ANKRD11: variants seen among roughly 807,000 people sequenced by gnomAD.
ANKRD11 encodes the protein ankyrin repeat domain 11, also known as ankyrin repeat domain-containing protein 11.
In ANKRD11, 17 loss-of-function variants were observed where a neutral mutation model predicts 195.7. That is an observed-to-expected ratio of 0.09 (90% CI 0.06 to 0.13). ANKRD11 has a LOEUF of 0.13. Ranked by LOEUF, ANKRD11 falls within the 10% of genes least tolerant of loss-of-function variation. The probability of loss-of-function intolerance (pLI) is 1.00; values close to 1 mark genes in which losing one functional copy is unlikely to be tolerated. For missense variants in ANKRD11, 3,735 were observed against 3,566.1 expected (o/e 1.05, Z -1.21); for synonymous variants, 1,953 against 1,528.1 (o/e 1.28, Z -6.49).
In ANKRD11 at chr16:89,282,438, T is replaced by TTTCTTGGCTCGCTCTCGGTCGTGGCTC; in HGVS notation, c.4077_4103dup (p.Ser1360_Lys1368dup). 1 of 1,614,134 alleles carries TTTCTTGGCTCGCTCTCGGTCGTGGCTC rather than the reference T, an allele frequency of 6.2e-7. No individual in the cohort carries two copies. The highest frequency in any genetic ancestry group is 8.5e-7 in the Non-Finnish European group (1 of 1,180,034). On this transcript the variant is annotated inframe_insertion, in exon 9 of 13. Transcript: ENST00000301030. The stretch of plus-strand genomic sequence containing the variant: ...CCTTCTCTTTCTTCTCGGCCTTCTC[T>TTTCTTGGCTCGCTCTCGGTCGTGGCTC]TTCTTGGCTCGCTCTCGGTCGTGGC...
At chr16:89,407,440 G>A (rs2152193425) in intron 2 of ANKRD11, among the ~76,000 whole-genome samples, 1 of 152,218 alleles carries the variant, frequency 6.6e-6, no homozygotes, top group South Asian at 2.1e-4. Context: ...AGCATTTCCT[G>A]CCAGCAGGGC....
At chr16:89,433,143 C>A (rs2043069507) in intron 1 of ANKRD11, among the ~76,000 whole-genome samples, 1 of 152,138 alleles carries the variant, frequency 6.6e-6, no homozygotes, top group Non-Finnish European at 1.5e-5. Flanking sequence ...TGGATATTCA[C>A]CATAAGATGT....
At chr16:89,473,848 C>A (rs1350637411) in intron 1 of ANKRD11, among the ~76,000 whole-genome samples, 1 of 152,180 alleles carries the variant, frequency 6.6e-6, no homozygotes, top group African/African-American at 2.4e-5. Flanking sequence ...TTCTAACCCA[C>A]AGAATGTGGT....
chr16:89,388,516 G>A (rs2965823), intron 2 of ANKRD11, among the ~76,000 whole-genome samples: 83,338 of 151,598 alleles, frequency 0.55, 23,035 homozygotes, highest in Middle Eastern at 0.73. Flanking sequence ...GCTGTCGAAC[G>A]CACACACGTC....
Position 89,323,399 on chromosome 16 carries a change from CAGCCCAGGGCAGGGGGGCTG to C in ANKRD11, c.-59-6341_-59-6322del, listed in dbSNP as rs1567645171. 6 of 1,180,444 alleles carry C rather than the reference CAGCCCAGGGCAGGGGGGCTG, an allele frequency of 5.1e-6. No individual in the cohort carries two copies. In the African/African-American group the frequency reaches 5.8e-5, roughly 11 times the overall value. The allele number at this position is 1,180,444 out of a possible 1,614,324, so 73.1% of individuals were successfully genotyped here. On this transcript the variant is annotated intron_variant, in intron 2 of 12. Coordinates refer to ENST00000301030, the MANE Select transcript of ANKRD11 (RefSeq NM_013275.6). Reference sequence around the variant, plus strand: ...TCTCAGTGGGCAAGGGGAGAGCAAGCAGCCCAGGGCAGGGGGGCTGAGCCGAGGGCAGGGGGGCTGAGCCG... The same window carrying C: ...TCTCAGTGGGCAAGGGGAGAGCAAGCAGCCGAGGGCAGGGGGGCTGAGCCG...
At chr16:89,407,684 CATAG>C (rs2041962665) in intron 2 of ANKRD11, among the ~76,000 whole-genome samples, 1 of 150,982 alleles carries the variant, frequency 6.6e-6, no homozygotes, top group South Asian at 2.1e-4. Flanking sequence ...CACACACACA[CATAG>C]ACACACACAG....
At chr16:89,304,727 G>GCACACAC (rs779655796) in intron 4 of ANKRD11, among the ~76,000 whole-genome samples, 133 of 152,194 alleles carry the variant, frequency 8.7e-4, no homozygotes, top group Non-Finnish European at 1.7e-3. Context: ...CAGGCACACA[G>GCACACAC]CACACACATT....
At chr16:89,387,133 G>A (rs1174351567) in intron 2 of ANKRD11, among the ~76,000 whole-genome samples, 2 of 152,038 alleles carry the variant, frequency 1.3e-5, no homozygotes, top group East Asian at 3.9e-4. Context: ...GGGTGGGAGA[G>A]GTAGGTCACA....
intron 4 of ANKRD11, chr16:89,301,590 C>T (rs888155583): frequency 3.8e-5 from 15 of 398,652 alleles, no homozygotes; most frequent in African/African-American, 2.3e-4. Flanking sequence ...GCTGCACCCA[C>T]AGCCCTTACA....
chr16:89,419,698 G>A (rs1019821059), intron 1 of ANKRD11, among the ~76,000 whole-genome samples: 5 of 152,164 alleles, frequency 3.3e-5, no homozygotes, highest in Non-Finnish European at 5.9e-5. Flanking sequence ...AGGGTTCCCC[G>A]GCTCTGCACT....
At chr16:89,464,033 G>A (rs1343459186) in intron 1 of ANKRD11, among the ~76,000 whole-genome samples, 1 of 152,194 alleles carries the variant, frequency 6.6e-6, no homozygotes, top group Non-Finnish European at 1.5e-5. Flanking sequence ...GAGGTCAGGA[G>A]TTAAAGACCA....
At chr16:89,378,068 T>C (rs567855778) in intron 2 of ANKRD11, among the ~76,000 whole-genome samples, 1 of 152,202 alleles carries the variant, frequency 6.6e-6, no homozygotes, top group Non-Finnish European at 1.5e-5. Flanking sequence ...ATATAAAATA[T>C]GAGGGGCATG....
chr16:89,300,815 C>G, intron 4 of ANKRD11: 1 of 698,780 alleles, frequency 1.4e-6, no homozygotes, highest in Non-Finnish European at 2.6e-6. Flanking sequence ...GGGTGTCATT[C>G]ACAGGTCAAA....
At position 89,285,772 on chromosome 16, in the gene ANKRD11, A is replaced by C; in HGVS notation, c.893-123T>G. ...GTTCCCACCCTGCCTCTGCAGAGACACTTTGCTCGACTCATGGAAACCAGC... is the reference window on the plus strand; with the variant it reads ...GTTCCCACCCTGCCTCTGCAGAGACCCTTTGCTCGACTCATGGAAACCAGC... On this transcript the variant is annotated intron_variant, in intron 8 of 12. Transcript: ENST00000301030. This position sits in a 1 kb window ranked among gnomAD's most constrained non-coding sequence, Gnocchi z 5.6. 3 of 1,163,316 alleles carry C rather than the reference A, an allele frequency of 2.6e-6. No homozygotes were observed. Among genetic ancestry groups the C allele is most frequent in the Non-Finnish European group, 3.8e-6 (3 of 795,226 alleles). The allele number at this position is 1,163,316 out of a possible 1,614,324, so 72.1% of individuals were successfully genotyped here.
intron 9 of ANKRD11, 68 bp from the exon 10 acceptor site, chr16:89,275,259 A>G (rs1412878299): frequency 7.9e-6 from 11 of 1,395,836 alleles, no homozygotes; most frequent in Non-Finnish European, 1.1e-5. Context: ...TATAGTCTGG[A>G]GTTCACGGGG....
intron 1 of ANKRD11, among the ~76,000 whole-genome samples, chr16:89,463,470 C>A (rs1350234811): frequency 6.6e-6 from 1 of 152,136 alleles, no homozygotes; most frequent in Non-Finnish European, 1.5e-5. Flanking sequence ...CGGTTGAAGG[C>A]AGCATACTCG....
chr16:89,290,095 A>G lies in ANKRD11; in HGVS notation c.601+530T>C, dbSNP rs1267194866. 2.0e-5 allele frequency among the ~76,000 whole-genome samples: 3 copies of G among 152,236 alleles called. No individual in the cohort carries two copies. The East Asian group carries it at 5.8e-4, about 29-fold the overall frequency. ...TTGAAATACTTTCCAAGAAACACTGATTTCTTCTCAGCAACAGGGAACCCC... is the reference window on the plus strand; with the variant it reads ...TTGAAATACTTTCCAAGAAACACTGGTTTCTTCTCAGCAACAGGGAACCCC... On this transcript the variant is annotated intron_variant, in intron 6 of 12. Transcript: ENST00000301030.
chr16:89,283,155 G>T lies in ANKRD11; in HGVS notation c.3387C>A (p.Ser1129Arg). 6.2e-7 allele frequency: 1 copy of T among 1,614,004 alleles called. No individual in the cohort carries two copies. The change falls in exon 9 of 13, where the codon AGC (serine) becomes AGA (arginine). Residue 1129 changes from serine (S) to arginine (R), a missense_variant. Physicochemically the swap from Ser to Arg is moderately radical, Grantham distance 110. Coordinates refer to ENST00000301030, the MANE Select transcript of ANKRD11 (RefSeq NM_013275.6). The surrounding 1 kb of genome is among the most constrained non-coding windows in gnomAD (Gnocchi z 4.3). The stretch of plus-strand genomic sequence containing the variant: ...CCATCTTGAACCCGCTCCCCATGCA[G>T]CTGTCTCTGTCGTCCTCACTCTCAT... ...FTDESEDDRD[S>R]CMGSGFKMGE...
chr16:89,384,528 T>G, intron 2 of ANKRD11, among the ~76,000 whole-genome samples: 1 of 128,916 alleles, frequency 7.8e-6, no homozygotes, highest in South Asian at 2.5e-4. Flanking sequence ...TGGAACAGGA[T>G]GGGATGGGAC....
Sources: allele counts gnomAD v4.1 joint callset (sites outside exome capture counted in the v4.1 genomes callset), GRCh38; gene constraint gnomAD v4.1.1; non-coding constraint Gnocchi (gnomAD v3.1); transcripts MANE v1.5; gene names NCBI Gene and HGNC (gene_info 2026-07-23, HGNC 2026-07-21).